The following CDH4 variants were observed in gnomAD, a reference collection of about 807,000 sequenced individuals.
CDH4 encodes cadherin-4.
A neutral mutation model predicts 86.0 loss-of-function variants in CDH4; 33 were observed. The observed-to-expected ratio is 0.38, with a 90% confidence interval of 0.29 to 0.51. The LOEUF (loss-of-function observed/expected upper bound fraction) is 0.51, where lower values mean the gene tolerates loss of function less well. Among genes scored for constraint, CDH4 ranks in the 20% least tolerant of loss-of-function variants. CDH4 has a pLI of 0.86. For missense variants in CDH4, 1,114 were observed against 1,307.4 expected (o/e 0.85, Z 2.28); for synonymous variants, 555 against 549.4 (o/e 1.01, Z -0.14).
At chr20:61,565,335 T>C (rs1159359375) in intron 2 of CDH4, among the ~76,000 whole-genome samples, 1 of 66,288 alleles carries the variant, frequency 1.5e-5, no homozygotes, top group Non-Finnish European at 3.7e-5. Flanking sequence ...TTGGTGATGG[T>C]GGTAGTGGTC....
chr20:61,903,127 CACATTCAT>C (rs2054747887), intron 8 of CDH4, among the ~76,000 whole-genome samples: 1 of 152,112 alleles, frequency 6.6e-6, no homozygotes, highest in South Asian at 2.1e-4. Flanking sequence ...ATTATGTTTG[CACATTCAT>C]TCATTCATTC....
At chr20:61,817,252 G>A (rs1277777706) in intron 4 of CDH4, among the ~76,000 whole-genome samples, 1 of 152,192 alleles carries the variant, frequency 6.6e-6, no homozygotes, top group Non-Finnish European at 1.5e-5. Context: ...CCCAAGGCAG[G>A]GGCCCCCGAG....
intron 13 of CDH4, 31 bp downstream of exon 13, chr20:61,929,873 G>C (rs1394362789): frequency 6.4e-6 from 10 of 1,572,536 alleles, no homozygotes; most frequent in Middle Eastern, 1.7e-4. Context: ...GGGTGGGCAG[G>C]GGCATTGTGG....
At chr20:61,934,257 T>A in intron 15 of CDH4, 37 bp downstream of exon 15, 1 of 1,500,730 alleles carries the variant, frequency 6.7e-7, no homozygotes, top group Non-Finnish European at 8.9e-7. Context: ...CCGGGCAAGG[T>A]GTCTCCTCTA....
chr20:61,848,822 C>T (rs1003275014), intron 5 of CDH4, among the ~76,000 whole-genome samples: 7 of 152,182 alleles, frequency 4.6e-5, no homozygotes, highest in East Asian at 3.9e-4. Context: ...ACCACTGCAC[C>T]GAGCCCACGT....
In CDH4 at chr20:61,352,664, A is replaced by G. The variant is rs117537801; in HGVS notation, c.169+97727A>G. 4.0e-4 allele frequency among the ~76,000 whole-genome samples: 61 copies of G among 152,066 alleles called. 2 individuals carry two copies. In the East Asian group the frequency reaches 0.011, roughly 28 times the overall value. ...CCGTTTCGTGTTTGAGCCTGTTTGT[A>G]TATTTCTCCTTGGATGGAGATGTTC... On this transcript the variant is annotated intron_variant, in intron 2 of 15. Coordinates refer to ENST00000614565, the MANE Select transcript of CDH4 (RefSeq NM_001794.5).
intron 2 of CDH4, among the ~76,000 whole-genome samples, chr20:61,403,559 T>C (rs1600945124): frequency 6.6e-6 from 1 of 152,128 alleles, no homozygotes; most frequent in African/African-American, 2.4e-5. Flanking sequence ...AATCAAATCA[T>C]CGTGGAAAAC....
At chr20:61,503,149 T>G (rs2085716693) in intron 2 of CDH4, among the ~76,000 whole-genome samples, 1 of 152,192 alleles carries the variant, frequency 6.6e-6, no homozygotes, top group Non-Finnish European at 1.5e-5. Context: ...GCTGCAAATG[T>G]CCTGGGGTGT....
chr20:61,931,006 G>A (rs2055102022), intron 13 of CDH4, among the ~76,000 whole-genome samples: 1 of 152,240 alleles, frequency 6.6e-6, no homozygotes. Flanking sequence ...TCCGCAGTGG[G>A]GCCGGGGCCA....
intron 4 of CDH4, among the ~76,000 whole-genome samples, chr20:61,777,111 G>A (rs931153379): frequency 2.6e-5 from 4 of 152,012 alleles, no homozygotes; most frequent in Middle Eastern, 3.4e-3. Flanking sequence ...TGCTTGGTGT[G>A]AACTGGCTGT....
intron 2 of CDH4, among the ~76,000 whole-genome samples, chr20:61,282,111 C>A (rs532110231): frequency 2.6e-5 from 4 of 152,310 alleles, no homozygotes; most frequent in African/African-American, 7.2e-5. Flanking sequence ...GTAATCCCAG[C>A]ACTTTGGGAG....
intron 3 of CDH4, among the ~76,000 whole-genome samples, chr20:61,763,874 G>T (rs2088668085): frequency 6.6e-6 from 1 of 152,190 alleles, no homozygotes; most frequent in Non-Finnish European, 1.5e-5. Flanking sequence ...TTCGCATGTA[G>T]CTTGGGAGGT....
intron 2 of CDH4, among the ~76,000 whole-genome samples, chr20:61,454,825 C>G (rs1460325895): frequency 2.0e-5 from 3 of 152,078 alleles, no homozygotes; most frequent in Admixed American, 1.3e-4. Flanking sequence ...GGAGCCTGTA[C>G]CTGGTGTTCG....
chr20:61,281,902 T>C (rs893989454), intron 2 of CDH4, among the ~76,000 whole-genome samples: 1 of 152,244 alleles, frequency 6.6e-6, no homozygotes, highest in African/African-American at 2.4e-5. Flanking sequence ...GCCATGATTC[T>C]GAATCTATTT....
In CDH4 at chr20:61,754,121, C is replaced by T. The variant is rs537410545; in HGVS notation, c.396+10332C>T. 3.9e-5 allele frequency among the ~76,000 whole-genome samples: 6 copies of T among 152,258 alleles called. No individual in the cohort carries two copies. Among genetic ancestry groups the T allele is most frequent in the East Asian group, 1.9e-4 (1 of 5,184 alleles). On this transcript the variant is annotated intron_variant, in intron 3 of 15. Transcript: ENST00000614565. This position sits in a 1 kb window ranked among gnomAD's most constrained non-coding sequence, Gnocchi z 4.7. ...TGGCACCACCAGGAGCCAGGAGAGA[C>T]GCCCAGAGCAGATTCTCCTGCACAG...
intron 4 of CDH4, among the ~76,000 whole-genome samples, chr20:61,836,907 T>A (rs1261510827): frequency 6.6e-6 from 1 of 152,072 alleles, no homozygotes; most frequent in East Asian, 1.9e-4. Context: ...AAAGTGGGGG[T>A]AGGGGGTCTG....
intron 3 of CDH4, among the ~76,000 whole-genome samples, chr20:61,761,384 T>TA (rs1479215741): frequency 7.9e-5 from 12 of 152,356 alleles, no homozygotes; most frequent in Middle Eastern, 6.8e-3. Flanking sequence ...CAGAGCAATG[T>TA]ACGTTCATAA....
intron 2 of CDH4, among the ~76,000 whole-genome samples, chr20:61,405,054 GA>G (rs1211267716): frequency 6.6e-6 from 1 of 152,084 alleles, no homozygotes; most frequent in East Asian, 1.9e-4. Context: ...GTCTCAAAAA[GA>G]AAAAGCTCCC....
At chr20:61,698,196 C>T (rs781218846) in intron 2 of CDH4, among the ~76,000 whole-genome samples, 19 of 152,220 alleles carry the variant, frequency 1.2e-4, no homozygotes, top group African/African-American at 1.9e-4. Flanking sequence ...GAGACTCTCC[C>T]GCCCTCACGC....
Sources: allele counts gnomAD v4.1 joint callset (sites outside exome capture counted in the v4.1 genomes callset), GRCh38; gene constraint gnomAD v4.1.1; non-coding constraint Gnocchi (gnomAD v3.1); transcripts MANE v1.5; gene names NCBI Gene and HGNC (gene_info 2026-07-23, HGNC 2026-07-21).